EIF4G3: variants seen among roughly 807,000 people sequenced by gnomAD.
EIF4G3 encodes eukaryotic translation initiation factor 4 gamma 3.
Under a neutral mutation model 186.4 loss-of-function variants are expected in EIF4G3, and 34 were observed. That is an observed-to-expected ratio of 0.18 (90% CI 0.14 to 0.24). EIF4G3 has a LOEUF of 0.24. EIF4G3 is among the 10% of genes least tolerant of loss of function. The pLI is 1.00. For synonymous variants in EIF4G3, 673 were observed against 679.5 expected (o/e 0.99, Z 0.15); for missense variants, 1,536 against 1,948.5 (o/e 0.79, Z 3.99).
chr1:20,854,712 TATAA>T lies in EIF4G3; in HGVS notation c.3433+262_3433+265del, dbSNP rs375345484. On this transcript the variant is annotated intron_variant, in intron 26 of 36. Coordinates refer to ENST00000602326, the MANE Select transcript of EIF4G3 (RefSeq NM_001391906.1). Reference sequence around the variant, plus strand: ...AGAGCGGGATCCCATCTCAAAAATATATAAATAAATAAATAAATAAATAAATAAA... The same window carrying T: ...AGAGCGGGATCCCATCTCAAAAATATATAAATAAATAAATAAATAAATAAA... 3.0e-3 allele frequency among the ~76,000 whole-genome samples: 448 copies of T among 148,040 alleles called. 2 individuals are homozygous for T. The highest frequency in any genetic ancestry group is 6.5e-3 in the Admixed American group (96 of 14,810).
In EIF4G3 at chr1:21,089,085, AAGG is replaced by A. The variant is rs1413541373; in HGVS notation, c.-196+50_-196+52del. The A allele has an allele frequency of 5.7e-6, 4 of 698,364 alleles. No homozygotes were observed. In the African/African-American group the frequency reaches 7.1e-5, roughly 12 times the overall value. 43.3% of individuals were successfully genotyped at this position (698,364 alleles called of 1,614,324 possible). ...ACAAACACTGCCTATAATTAATACC[AAGG>A]ATTCACACACAAAAGCACACACACA... is the stretch of plus-strand genomic sequence containing the variant. On this transcript the variant is annotated intron_variant, in intron 3 of 36. Transcript: ENST00000602326.
At chr1:21,142,747 T>C (rs576408826) in intron 2 of EIF4G3, among the ~76,000 whole-genome samples, 8 of 152,270 alleles carry the variant, frequency 5.3e-5, no homozygotes, top group Admixed American at 4.6e-4. Flanking sequence ...TCCCCAAAAA[T>C]ATCCATTCAA....
chr1:20,969,427 G>A (rs1363359170), intron 12 of EIF4G3, 47 bp downstream of exon 12: 5 of 1,609,306 alleles, frequency 3.1e-6, no homozygotes, highest in Non-Finnish European at 4.2e-6. Context: ...GTTCAGTAGA[G>A]GTTAGTGAAC....
At chr1:20,891,616 C>CAAAAAAAAAAAA (rs11343165) in intron 18 of EIF4G3, among the ~76,000 whole-genome samples, 1 of 81,656 alleles carries the variant, frequency 1.2e-5, no homozygotes, top group African/African-American at 5.2e-5. Context: ...ACTAAAAATA[C>CAAAAAAAAAAAA]AAAAAAAAAA....
chr1:20,866,791 G>A (rs374209742), intron 20 of EIF4G3, among the ~76,000 whole-genome samples: 6 of 152,174 alleles, frequency 3.9e-5, no homozygotes, highest in African/African-American at 1.4e-4. Flanking sequence ...CTAAACATCA[G>A]CAGTTATATC....
chr1:20,830,973 G>A (rs1460993028), intron 30 of EIF4G3, among the ~76,000 whole-genome samples: 2 of 152,092 alleles, frequency 1.3e-5, no homozygotes, highest in Non-Finnish European at 2.9e-5. Flanking sequence ...CTACTACATA[G>A]CCTATATTAA....
intron 29 of EIF4G3, among the ~76,000 whole-genome samples, chr1:20,848,273 C>G (rs1313040791): frequency 6.6e-6 from 1 of 152,078 alleles, no homozygotes; most frequent in Admixed American, 6.5e-5. Context: ...GCCAAGAAAA[C>G]AAATAATCTT....
intron 2 of EIF4G3, among the ~76,000 whole-genome samples, chr1:21,137,195 CT>C (rs2097261638): frequency 6.7e-6 from 1 of 150,102 alleles, no homozygotes; most frequent in Non-Finnish European, 1.5e-5. Context: ...TCAGGCTAGA[CT>C]GCAGTGGCAC....
chr1:20,827,864 G>C (rs1181445427), intron 31 of EIF4G3, among the ~76,000 whole-genome samples, 166 bp from the exon 32 acceptor site: 5 of 152,028 alleles, frequency 3.3e-5, no homozygotes, highest in Non-Finnish European at 7.4e-5. Context: ...AGAAGTTCCT[G>C]AAAAGGTACA....
intron 4 of EIF4G3, among the ~76,000 whole-genome samples, chr1:21,034,869 G>A (rs1265347657): frequency 1.3e-5 from 2 of 152,108 alleles, no homozygotes; most frequent in Admixed American, 1.3e-4. Context: ...CTGGTGGCTG[G>A]GCCTGGGCCC....
chr1:20,898,631 T>G (rs1182454812), intron 16 of EIF4G3, among the ~76,000 whole-genome samples: 1 of 152,210 alleles, frequency 6.6e-6, no homozygotes, highest in East Asian at 1.9e-4. Context: ...TTGATCTAGA[T>G]TACCTTTGAG....
chr1:20,928,506 G>C (rs2095084939), intron 14 of EIF4G3, among the ~76,000 whole-genome samples: 1 of 151,846 alleles, frequency 6.6e-6, no homozygotes, highest in Admixed American at 6.6e-5. Context: ...GAGTTCAAGA[G>C]ATTCTCCTGT....
At chr1:20,885,866 T>C (rs1321846411) in intron 19 of EIF4G3, among the ~76,000 whole-genome samples, 1 of 152,140 alleles carries the variant, frequency 6.6e-6, no homozygotes, top group Non-Finnish European at 1.5e-5. Flanking sequence ...AATGTAATAA[T>C]TAGGATAAAT....
chr1:20,997,739 A>C lies in EIF4G3; in HGVS notation c.145-106T>G, dbSNP rs553539234. 1.6e-4 allele frequency: 131 copies of C among 818,750 alleles called. 1 individual carries two copies. In the East Asian group the frequency reaches 3.3e-3, roughly 20 times the overall value. 50.7% of individuals were successfully genotyped at this position (818,750 alleles called of 1,614,324 possible). A position where few individuals can be genotyped will look rare whatever the true frequency, so the allele number is the denominator to read the frequency against. On this transcript the variant is annotated intron_variant, in intron 6 of 36. Transcript: ENST00000602326. ...CAATATGCCAAAAGAAAAAAAACCC[A>C]CAGTGGGGAAATAAAAAACAACACA...
intron 34 of EIF4G3, among the ~76,000 whole-genome samples, chr1:20,814,392 C>G (rs1437802721): frequency 6.6e-6 from 1 of 152,180 alleles, no homozygotes; most frequent in African/African-American, 2.4e-5. Flanking sequence ...CAGGGTCCTT[C>G]CCACTGCCTA....
At chr1:21,037,082 A>G (rs1308376493) in intron 4 of EIF4G3, among the ~76,000 whole-genome samples, 1 of 152,180 alleles carries the variant, frequency 6.6e-6, no homozygotes, top group African/African-American at 2.4e-5. Flanking sequence ...TATTTGATTC[A>G]CAATGACAGA....
In EIF4G3 at chr1:20,950,821, T is replaced by C. The variant is rs566693401; in HGVS notation, c.715-710A>G. Among the ~76,000 whole-genome samples, 4 of 152,124 alleles carry C rather than the reference T, an allele frequency of 2.6e-5. No homozygotes were observed. In the South Asian group the frequency reaches 6.2e-4, roughly 24 times the overall value. On this transcript the variant is annotated intron_variant, in intron 12 of 36. Transcript: ENST00000602326. ...GCCATCAAAATCCAAGCAGGATAGG[T>C]TGAGAAAAATCACAGCTATTGCTCA... is the stretch of plus-strand genomic sequence containing the variant.
At chr1:21,149,054 C>T (rs1289915172) in intron 2 of EIF4G3, among the ~76,000 whole-genome samples, 1 of 150,856 alleles carries the variant, frequency 6.6e-6, no homozygotes, top group African/African-American at 2.4e-5. Flanking sequence ...TATGATCATG[C>T]CATTGTACTC....
chr1:20,919,389 G>A (rs2094273585), intron 14 of EIF4G3, among the ~76,000 whole-genome samples: 1 of 152,016 alleles, frequency 6.6e-6, no homozygotes, highest in African/African-American at 2.4e-5. Context: ...TTGTATTGTA[G>A]AGACAGGATT....
Sources: gnomAD v4.1 joint callset for allele counts (sites outside exome capture counted in the v4.1 genomes callset) on GRCh38, gnomAD v4.1.1 for gene constraint, MANE v1.5 for transcripts, NCBI Gene and HGNC (gene_info 2026-07-23, HGNC 2026-07-21) for gene names.